Variants in PTPRM observed in about 807,000 individuals in gnomAD.
PTPRM encodes the protein protein tyrosine phosphatase receptor type M, also known as receptor-type tyrosine-protein phosphatase mu.
Under a neutral mutation model 186.7 loss-of-function variants are expected in PTPRM, and 47 were observed. The observed-to-expected ratio is 0.25, with a 90% CI of 0.20 to 0.32. PTPRM has a LOEUF of 0.32. Ranked by LOEUF, PTPRM falls within the 10% of genes least tolerant of loss-of-function variation. PTPRM has a pLI of 1.00. For synonymous variants in PTPRM, 668 were observed against 674.9 expected, an observed-to-expected ratio of 0.99 and a Z score of 0.16; for missense variants, 1,494 against 1,865.0, an observed-to-expected ratio of 0.80 and a Z score of 3.66.
At chr18:7,760,187 A>T (rs2041700693) in intron 1 of PTPRM, among the ~76,000 whole-genome samples, 1 of 152,056 alleles carries the variant, frequency 6.6e-6, no homozygotes, top group African/African-American at 2.4e-5. Flanking sequence ...TATATTTAAC[A>T]TTATTTTATT....
At chr18:7,811,439 C>G (rs1321083026) in intron 2 of PTPRM, among the ~76,000 whole-genome samples, 1 of 152,182 alleles carries the variant, frequency 6.6e-6, no homozygotes, top group African/African-American at 2.4e-5. Context: ...CTCACTGCAG[C>G]CTTGATCTCT....
intron 22 of PTPRM, among the ~76,000 whole-genome samples, chr18:8,330,672 T>G (rs2095407365): frequency 1.2e-5 from 1 of 81,490 alleles, no homozygotes; most frequent in African/African-American, 4.0e-5. Flanking sequence ...TTTTTTTTTG[T>G]CCTTGATTGC....
chr18:7,865,898 GTGGTTTAGACT>G (rs1414214306), intron 2 of PTPRM, among the ~76,000 whole-genome samples: 1 of 151,984 alleles, frequency 6.6e-6, no homozygotes, highest in Admixed American at 6.6e-5. Flanking sequence ...TGACTTCTTC[GTGGTTTAGACT>G]TGGGAGGGTG....
chr18:7,627,233 C>G (rs2038083592), intron 1 of PTPRM, among the ~76,000 whole-genome samples: 1 of 152,200 alleles, frequency 6.6e-6, no homozygotes, highest in South Asian at 2.1e-4. Context: ...GACAATTTCC[C>G]TTTTCAATTT....
intron 2 of PTPRM, among the ~76,000 whole-genome samples, chr18:7,863,442 A>G (rs897499614): frequency 2.0e-5 from 3 of 152,006 alleles, no homozygotes; most frequent in African/African-American, 7.3e-5. Context: ...GTGGGAGAAC[A>G]TGCAGTGTTT....
At position 7,706,726 on chromosome 18, in the gene PTPRM, A is replaced by G. The variant is rs187763863; in HGVS notation, c.74-67423A>G. ...GGATGGACTATCCCAGCGGAACACA[A>G]TGAAAAGTATACCTTGTTCTTGCCA... On this transcript the variant is annotated intron_variant, in intron 1 of 32. Coordinates refer to ENST00000580170, the MANE Select transcript of PTPRM (RefSeq NM_001105244.2). Among the ~76,000 whole-genome samples, 618 of 152,106 alleles carry G rather than the reference A, an allele frequency of 4.1e-3. 3 individuals carry two copies. The highest frequency in any genetic ancestry group is 7.0e-3 in the Non-Finnish European group (477 of 67,978).
intron 23 of PTPRM, among the ~76,000 whole-genome samples, chr18:8,344,634 C>T (rs1009939892): frequency 6.6e-6 from 1 of 151,750 alleles, no homozygotes; most frequent in Admixed American, 6.6e-5. Flanking sequence ...ATAAAGACAG[C>T]TACTACAGAC....
chr18:8,000,503 G>A (rs1349976029), intron 7 of PTPRM, among the ~76,000 whole-genome samples: 1 of 152,126 alleles, frequency 6.6e-6, no homozygotes, highest in Non-Finnish European at 1.5e-5. Context: ...TCTCACTTGG[G>A]GGCCCAGCTT....
At chr18:7,896,005 G>A (rs2049335472) in intron 3 of PTPRM, among the ~76,000 whole-genome samples, 2 of 152,168 alleles carry the variant, frequency 1.3e-5, no homozygotes, top group African/African-American at 4.8e-5. Flanking sequence ...TAACCTGCAT[G>A]GAATACAGCT....
At chr18:7,737,347 G>A (rs1380577524) in intron 1 of PTPRM, among the ~76,000 whole-genome samples, 3 of 152,154 alleles carry the variant, frequency 2.0e-5, no homozygotes, top group South Asian at 2.1e-4. Flanking sequence ...CACCTGCCTC[G>A]GCCTCCCAAA....
At chr18:7,608,254 T>C (rs945919861) in intron 1 of PTPRM, among the ~76,000 whole-genome samples, 9 of 152,306 alleles carry the variant, frequency 5.9e-5, no homozygotes, top group Non-Finnish European at 1.2e-4. Context: ...AGAATACTTT[T>C]TTCTGATTCA....
At chr18:7,831,079 T>G (rs1030270374) in intron 2 of PTPRM, among the ~76,000 whole-genome samples, 1 of 152,220 alleles carries the variant, frequency 6.6e-6, no homozygotes, top group African/African-American at 2.4e-5. Flanking sequence ...AGGATGGAGA[T>G]GATTTAAGGT....
chr18:8,036,507 C>G (rs2086339395), intron 7 of PTPRM, among the ~76,000 whole-genome samples: 1 of 152,152 alleles, frequency 6.6e-6, no homozygotes, highest in African/African-American at 2.4e-5. Flanking sequence ...GGAGGATTGG[C>G]TAAGGTGCAA....
chr18:7,651,597 G>A (rs928621692), intron 1 of PTPRM, among the ~76,000 whole-genome samples: 10 of 151,642 alleles, frequency 6.6e-5, no homozygotes, highest in Non-Finnish European at 1.3e-4. Context: ...AAATAATGCC[G>A]CATATCTACA....
At chr18:8,126,004 T>TTTTTTTTTTTTTTTTTTA (rs2092338130) in intron 13 of PTPRM, among the ~76,000 whole-genome samples, 1 of 36,944 alleles carries the variant, frequency 2.7e-5, no homozygotes, top group African/African-American at 9.8e-5. Context: ...TATATATATA[T>TTTTTTTTTTTTTTTTTTA]ATATATATAT....
intron 2 of PTPRM, among the ~76,000 whole-genome samples, chr18:7,792,371 C>A (rs1240458773): frequency 6.6e-6 from 1 of 152,110 alleles, no homozygotes; most frequent in African/African-American, 2.4e-5. Flanking sequence ...CAGAGGAAAA[C>A]CCCAGAAGGT....
chr18:7,674,935 T>C (rs1441825471), intron 1 of PTPRM, among the ~76,000 whole-genome samples: 1 of 152,198 alleles, frequency 6.6e-6, no homozygotes, highest in Non-Finnish European at 1.5e-5. Flanking sequence ...AACGCATCAG[T>C]AGGAAGGGCT....
chr18:8,257,874 C>G (rs1275830138), intron 19 of PTPRM, among the ~76,000 whole-genome samples: 1 of 152,138 alleles, frequency 6.6e-6, no homozygotes, highest in Non-Finnish European at 1.5e-5. Context: ...CAAAATTGGC[C>G]TAAACACCAG....
intron 28 of PTPRM, 92 bp from the exon 29 acceptor site, chr18:8,380,204 G>A (rs2095723778): frequency 7.2e-7 from 1 of 1,386,388 alleles, no homozygotes; most frequent in Non-Finnish European, 1.0e-6. Context: ...TCAGTGTTTT[G>A]TGCCACAAGC....
Sources: allele counts gnomAD v4.1 joint callset (sites outside exome capture counted in the v4.1 genomes callset), GRCh38; gene constraint gnomAD v4.1.1; transcripts MANE v1.5; gene names NCBI Gene and HGNC (gene_info 2026-07-23, HGNC 2026-07-21).